Variants in ITPR2 observed in about 807,000 individuals in gnomAD.
ITPR2 encodes inositol 1,4,5-trisphosphate-gated calcium channel ITPR2.
ITPR2 carries 207 observed loss-of-function variants against 317.1 expected under a neutral mutation model. That is an observed-to-expected ratio of 0.65 (90% CI 0.58 to 0.73). The LOEUF (loss-of-function observed/expected upper bound fraction) is 0.73. ITPR2 is among the 30% of genes least tolerant of loss of function. The pLI is 0.00. For missense variants in ITPR2, 2,613 were observed against 3,284.0 expected, an observed-to-expected ratio of 0.80 and a Z score of 4.99; for synonymous variants, 1,156 against 1,149.1, an observed-to-expected ratio of 1.01 and a Z score of -0.12.
intron 55 of ITPR2, among the ~76,000 whole-genome samples, chr12:26,374,767 A>T (rs1939289065): frequency 6.6e-6 from 1 of 152,236 alleles, no homozygotes; most frequent in African/African-American, 2.4e-5. Flanking sequence ...TTTCCAAAAC[A>T]TCTTGATCTC....
chr12:26,705,489 C>T (rs949873585), intron 9 of ITPR2, among the ~76,000 whole-genome samples: 3 of 152,132 alleles, frequency 2.0e-5, no homozygotes, highest in Admixed American at 6.6e-5. Flanking sequence ...TACCTTCAAA[C>T]ACCCTCCCAC....
intron 45 of ITPR2, among the ~76,000 whole-genome samples, chr12:26,447,994 CTT>C (rs376160734): frequency 0.019 from 1,564 of 82,162 alleles, 38 homozygotes; most frequent in South Asian, 0.029. Flanking sequence ...TTTTACATGA[CTT>C]TTTTTTAAAA....
chr12:26,473,245 T>A (rs572218255), intron 45 of ITPR2, among the ~76,000 whole-genome samples: 4 of 152,278 alleles, frequency 2.6e-5, no homozygotes, highest in African/African-American at 9.6e-5. Flanking sequence ...ACATAAGTCT[T>A]TTCTTTACCT....
At chr12:26,429,409 G>A (rs1006109974) in intron 48 of ITPR2, among the ~76,000 whole-genome samples, 1 of 152,132 alleles carries the variant, frequency 6.6e-6, no homozygotes, top group Non-Finnish European at 1.5e-5. Context: ...TGCTCTGAAA[G>A]TTACCTTCAA....
chr12:26,725,047 G>A (rs1356160991), intron 3 of ITPR2, among the ~76,000 whole-genome samples: 1 of 152,136 alleles, frequency 6.6e-6, no homozygotes, highest in Non-Finnish European at 1.5e-5. Flanking sequence ...GTCAATGTAT[G>A]CTGAAATGCC....
chr12:26,625,702 C>T (rs1946607782), intron 23 of ITPR2, among the ~76,000 whole-genome samples: 1 of 152,080 alleles, frequency 6.6e-6, no homozygotes, highest in Non-Finnish European at 1.5e-5. Context: ...TATGCACATA[C>T]TTACATATAA....
intron 34 of ITPR2, among the ~76,000 whole-genome samples, chr12:26,563,299 T>A (rs547594655): frequency 3.0e-4 from 45 of 152,320 alleles, no homozygotes; most frequent in African/African-American, 1.1e-3. Flanking sequence ...GGGCTGGGTG[T>A]GTTGGCTCAC....
chr12:26,568,433 ACTGT>A (rs1350800506), intron 34 of ITPR2, among the ~76,000 whole-genome samples: 1 of 152,114 alleles, frequency 6.6e-6, no homozygotes, highest in Non-Finnish European at 1.5e-5. Flanking sequence ...TTTTTAGGCA[ACTGT>A]CTAATTAGGC....
At chr12:26,695,983 T>C (rs539040746) in intron 9 of ITPR2, among the ~76,000 whole-genome samples, 1 of 149,734 alleles carries the variant, frequency 6.7e-6, no homozygotes, top group African/African-American at 2.4e-5. Context: ...CATTTACCAA[T>C]AACTCAGACA....
chr12:26,518,638 T>TA (rs1188877154), intron 37 of ITPR2, among the ~76,000 whole-genome samples: 1 of 151,962 alleles, frequency 6.6e-6, no homozygotes, highest in African/African-American at 2.4e-5. Flanking sequence ...TACCCAAAAA[T>TA]AAAAAATAGC....
chr12:26,640,078 G>C (rs1946951856), intron 21 of ITPR2, among the ~76,000 whole-genome samples: 1 of 152,182 alleles, frequency 6.6e-6, no homozygotes, highest in Non-Finnish European at 1.5e-5. Flanking sequence ...GGTCACCAGA[G>C]ATTGTGAGAA....
In ITPR2 at chr12:26,654,024, C is replaced by T. The variant is rs1298135920; in HGVS notation, c.2692G>A (p.Ala898Thr). The change falls in exon 21 of 57, where the codon GCC becomes ACC. Residue 898 changes from alanine (A) to threonine (T), a missense_variant. Physicochemically the swap from Ala to Thr is moderately conservative, Grantham distance 58 (BLOSUM62 0). Transcript: ENST00000381340. ...TLLAILDIVQAPMSSYFERLS... is the reference protein window; with the variant it reads ...TLLAILDIVQTPMSSYFERLS... The stretch of plus-strand genomic sequence containing the variant: ...CTTTCAAAGTATGATGACATGGGGG[C>T]CTGTACAATGTCTAAAATAGCCAGA... 6.2e-7 allele frequency: 1 copy of T among 1,607,872 alleles called. No homozygotes were observed. The highest frequency in any genetic ancestry group is 1.7e-5 in the Admixed American group (1 of 59,112).
intron 32 of ITPR2, among the ~76,000 whole-genome samples, chr12:26,590,981 G>A (rs1045294105): frequency 5.4e-5 from 8 of 146,964 alleles, no homozygotes; most frequent in African/African-American, 2.0e-4. Context: ...TCGGGAGGCT[G>A]AAGCAAGAGA....
chr12:26,506,123 C>G (rs766661193), intron 37 of ITPR2, among the ~76,000 whole-genome samples: 3 of 151,540 alleles, frequency 2.0e-5, no homozygotes, highest in Non-Finnish European at 4.4e-5. Context: ...AATCCCAGCA[C>G]TTTAGGAGGC....
At chr12:26,595,648 A>ATATTTGAAAG in intron 31 of ITPR2, 58 bp from the exon 32 acceptor site, 2 of 1,330,732 alleles carry the variant, frequency 1.5e-6, no homozygotes, top group Non-Finnish European at 2.1e-6. Context: ...ACTTTCAAAT[A>ATATTTGAAAG]TCAATTATGA....
chr12:26,438,566 G>C (rs1472509969), intron 47 of ITPR2, among the ~76,000 whole-genome samples: 1 of 152,142 alleles, frequency 6.6e-6, no homozygotes, highest in Non-Finnish European at 1.5e-5. Flanking sequence ...GGACCTAAGA[G>C]ATAGGTCATG....
intron 37 of ITPR2, among the ~76,000 whole-genome samples, chr12:26,504,910 C>G (rs577581350): frequency 7.2e-5 from 11 of 152,146 alleles, no homozygotes; most frequent in African/African-American, 2.7e-4. Flanking sequence ...AGAGCCTCAC[C>G]GTAACACACA....
At chr12:26,580,759 G>C (rs539830240) in intron 32 of ITPR2, among the ~76,000 whole-genome samples, 1 of 152,194 alleles carries the variant, frequency 6.6e-6, no homozygotes, top group Admixed American at 6.6e-5. Context: ...CAGCCAAAGA[G>C]ACAATGCTGA....
intron 18 of ITPR2, 32 bp downstream of exon 18, chr12:26,657,675 G>A (rs773941333): frequency 1.3e-6 from 2 of 1,579,176 alleles, no homozygotes; most frequent in South Asian, 2.2e-5. Context: ...GTGAGACTGG[G>A]AATTATTGTA....
Sources: gnomAD v4.1 joint callset for allele counts (sites outside exome capture counted in the v4.1 genomes callset) on GRCh38, gnomAD v4.1.1 for gene constraint, MANE v1.5 for transcripts, NCBI Gene and HGNC (gene_info 2026-07-23, HGNC 2026-07-21) for gene names.